Variants in RUNX3 observed in about 807,000 individuals in gnomAD.
The protein encoded by RUNX3 is RUNX family transcription factor 3, also known as runt-related transcription factor 3.
Under a neutral mutation model 27.7 loss-of-function variants are expected in RUNX3, and 10 were observed. The observed-to-expected ratio is 0.36, with a 90% CI of 0.22 to 0.61. The LOEUF (loss-of-function observed/expected upper bound fraction) is 0.61, where lower values mean the gene tolerates loss of function less well. RUNX3 is among the 20% of genes least tolerant of loss of function. The pLI is 0.72. For synonymous variants in RUNX3, 270 were observed against 269.2 expected (o/e 1.00, Z -0.03); for missense variants, 469 against 629.5 (o/e 0.75, Z 2.73).
intron 3 of RUNX3, among the ~76,000 whole-genome samples, chr1:24,908,173 CG>C (rs1640716752): frequency 9.2e-5 from 11 of 119,616 alleles, no homozygotes; most frequent in African/African-American, 3.8e-4. Flanking sequence ...CGCGGTGATC[CG>C]AAGCTCTACG....
At chr1:24,932,418 GGCGCCCGCGCCCTGCCAGCCGCGGAGGT>G (rs1641253001), upstream of RUNX3, among the ~76,000 whole-genome samples, 1 of 151,970 alleles carries the variant, frequency 6.6e-6, no homozygotes. Context: ...GCCGCTAGTT[GGCGCCCGCGCCCTGCCAGCCGCGGAGGT>G]GCGGGCCCGG....
intron 3 of RUNX3, among the ~76,000 whole-genome samples, chr1:24,917,614 A>G (rs1157702538): frequency 6.6e-6 from 1 of 152,234 alleles, no homozygotes; most frequent in Non-Finnish European, 1.5e-5. Context: ...CCCTGGCTAA[A>G]GTGACGGATC....
chr1:24,954,860 A>G (rs554503997), intron 2 of RUNX3, among the ~76,000 whole-genome samples: 1 of 152,250 alleles, frequency 6.6e-6, no homozygotes, highest in East Asian at 1.9e-4. Flanking sequence ...CCATGTCTAC[A>G]CTGGCCTATT....
At chr1:24,929,263 C>T (rs1641162189) in intron 1 of RUNX3, 1 of 591,172 alleles carries the variant, frequency 1.7e-6, no homozygotes, top group African/African-American at 1.8e-5. Context: ...TCTCCGTTAC[C>T]CGCAGGGCTG....
At chr1:24,919,217 T>TCAGGGGG (rs781497423) in intron 3 of RUNX3, 23 bp downstream of exon 3, 2 of 1,486,534 alleles carry the variant, frequency 1.3e-6, no homozygotes, top group African/African-American at 2.8e-5. Context: ...GCGCAGGGGC[T>TCAGGGGG]CAGGGGGCTC....
chr1:24,926,063 T>C (rs1278161558), intron 2 of RUNX3, among the ~76,000 whole-genome samples: 1 of 152,210 alleles, frequency 6.6e-6, no homozygotes, highest in Non-Finnish European at 1.5e-5. Context: ...AAGTTCCTGA[T>C]GCCTTGCTGG....
At chr1:24,929,373 C>G in intron 1 of RUNX3, 1 of 702,634 alleles carries the variant, frequency 1.4e-6, no homozygotes, top group South Asian at 1.5e-5. Context: ...TGGAGCGGGG[C>G]AACCCCGTTA....
intron 2 of RUNX3, among the ~76,000 whole-genome samples, chr1:24,946,181 C>T (rs1641601389): frequency 6.6e-6 from 1 of 152,146 alleles, no homozygotes; most frequent in Non-Finnish European, 1.5e-5. Context: ...CCCCCCATTC[C>T]TTAAAACAAA....
chr1:24,929,736 C>G lies in RUNX3; in HGVS notation c.133G>C (p.Gly45Arg). The change falls in exon 1 of 5, where the codon GGA becomes CGA. Residue 45 changes from glycine to arginine, a missense_variant. Gly to Arg is a moderately radical substitution (Grantham distance 125). This residue lies in a region of RUNX3 where 115 missense variants were observed against 118.0 expected (regional missense o/e 0.97). Transcript: ENST00000308873. ...ALSAQAAVGP[G>R]GRARPEVRSM... is the part of the protein sequence containing the mutation. ...CGCACCTCGGGCCGGGCGCGCCCTC[C>G]GGGCCCCACGGCCGCCTGCGCGCTC... is the stretch of plus-strand genomic sequence containing the variant. 4 of 1,487,352 alleles carry G rather than the reference C, an allele frequency of 2.7e-6. No homozygotes were observed. Among genetic ancestry groups the G allele is most frequent in the South Asian group, 2.6e-5 (2 of 77,220 alleles). 92.1% of individuals were successfully genotyped at this position (1,487,352 alleles called of 1,614,324 possible).
intron 2 of RUNX3, among the ~76,000 whole-genome samples, chr1:24,938,705 T>C (rs937898955): frequency 6.6e-6 from 1 of 152,160 alleles, no homozygotes; most frequent in African/African-American, 2.4e-5. Flanking sequence ...CGGGAAGTGA[T>C]TAAGTGGTGA....
At position 24,927,318 on chromosome 1, in the gene RUNX3, G is replaced by T. The variant is rs1641117865; in HGVS notation, c.439+256C>A. ...AGGTGTGCTTAACCGGGAAAGAGGG[G>T]GTGGCATGAACGGTTTCAGGAGTTG... On this transcript the variant is annotated intron_variant, in intron 2 of 4. Coordinates refer to ENST00000308873, the MANE Select transcript of RUNX3 (RefSeq NM_004350.3). This position sits in a 1 kb window ranked among gnomAD's most constrained non-coding sequence, Gnocchi z 5.0. Among the ~76,000 whole-genome samples, 1 of 152,156 alleles carries T rather than the reference G, an allele frequency of 6.6e-6. No homozygotes were observed. The highest frequency in any genetic ancestry group is 2.4e-5 in the African/African-American group (1 of 41,430).
chr1:24,958,451 G>A (rs2124382885), intron 2 of RUNX3, among the ~76,000 whole-genome samples: 1 of 152,306 alleles, frequency 6.6e-6, no homozygotes, highest in Admixed American at 6.5e-5. Context: ...TATGAAATGA[G>A]GAGGGGAACT....
In RUNX3 at chr1:24,930,147, G is replaced by A. The variant is rs1641189871; in HGVS notation, c.-279C>T. ...TGCGGCCGCCCCTCGTGGCTGTCCC[G>A]GCTGCCTGGGCCGCGGCGGGGCCCG... is the stretch of plus-strand genomic sequence containing the variant. On this transcript the variant is annotated 5_prime_UTR_variant, in exon 1 of 5. Transcript: ENST00000308873. The surrounding 1 kb of genome is among the most constrained non-coding windows in gnomAD (Gnocchi z 4.1). 1.0e-6 allele frequency: 1 copy of A among 979,026 alleles called. No homozygotes were observed. The highest frequency in any genetic ancestry group is 1.2e-6 in the Non-Finnish European group (1 of 827,424). 60.6% of individuals were successfully genotyped at this position (979,026 alleles called of 1,614,324 possible).
rs1571300362 is a variant in RUNX3, at chr1:24,904,775, A to C, written c.704-2109T>G. Among the ~76,000 whole-genome samples, 1 of 151,596 alleles carries C rather than the reference A, an allele frequency of 6.6e-6. No individual in the cohort carries two copies. The highest frequency in any genetic ancestry group is 1.5e-5 in the Non-Finnish European group (1 of 67,866). ...CCCTCCAGCCTCTTTCCTCAGGGCC[A>C]CCACCCCTCCTCCGGGGTGGTGGGG... On this transcript the variant is annotated intron_variant, in intron 4 of 4. Transcript: ENST00000308873. The surrounding 1 kb of genome is among the most constrained non-coding windows in gnomAD (Gnocchi z 5.7).
At chr1:24,906,644 G>GGAGA (rs1640669744) in intron 4 of RUNX3, among the ~76,000 whole-genome samples, 1 of 152,222 alleles carries the variant, frequency 6.6e-6, no homozygotes, top group Non-Finnish European at 1.5e-5. Context: ...CAGTGGAGAT[G>GGAGA]GAGACCCCAG....
rs1161102122 is a variant in RUNX3, at chr1:24,923,727, G to A, written c.439+3847C>T. ...CGTGTCTCAGTCTCAGGGGACCTCG[G>A]GGTTTTCTCAGCTTCAGCCAAGAAG... On this transcript the variant is annotated intron_variant, in intron 2 of 4. Transcript: ENST00000308873. This position sits in a 1 kb window ranked among gnomAD's most constrained non-coding sequence, Gnocchi z 5.9. Among the ~76,000 whole-genome samples the A allele has an allele frequency of 6.6e-6, 1 of 152,120 alleles. No individual in the cohort carries two copies. The highest frequency in any genetic ancestry group is 1.9e-4 in the East Asian group (1 of 5,196).
At position 24,902,054 on chromosome 1, in the gene RUNX3, C is replaced by A. The variant is rs1481765238; in HGVS notation, c.*68G>T. On this transcript the variant is annotated 3_prime_UTR_variant, in exon 5 of 5. Transcript: ENST00000308873. The surrounding 1 kb of genome is among the most constrained non-coding windows in gnomAD (Gnocchi z 9.2). ...CCCATTCCCGCCCGGAGCCTCGGAG[C>A]CGGCCCATCACTGGTCTTGAAGGTT... is the stretch of plus-strand genomic sequence containing the variant. 1.4e-6 allele frequency: 2 copies of A among 1,391,380 alleles called. No homozygotes were observed. The highest frequency in any genetic ancestry group is 1.9e-6 in the Non-Finnish European group (2 of 1,052,406). The allele number at this position is 1,391,380 out of a possible 1,614,324, so 86.2% of individuals were successfully genotyped here.
chr1:24,918,056 T>C (rs891212190), intron 3 of RUNX3, among the ~76,000 whole-genome samples: 1 of 152,144 alleles, frequency 6.6e-6, no homozygotes, highest in Non-Finnish European at 1.5e-5. Flanking sequence ...GTGCCGGGGC[T>C]CAGGGCTGGC....
intron 3 of RUNX3, among the ~76,000 whole-genome samples, chr1:24,910,438 C>T (rs1030603880): frequency 1.3e-5 from 2 of 152,058 alleles, no homozygotes; most frequent in African/African-American, 2.4e-5. Context: ...GAACTCACTG[C>T]GCTTCTTGGG....
Sources: allele counts gnomAD v4.1 joint callset (sites outside exome capture counted in the v4.1 genomes callset), GRCh38; gene constraint gnomAD v4.1.1; regional missense constraint gnomAD v4.1.1; non-coding constraint Gnocchi (gnomAD v3.1); transcripts MANE v1.5; gene names NCBI Gene and HGNC (gene_info 2026-07-23, HGNC 2026-07-21).